Variants in CPA6 observed in about 807,000 individuals in gnomAD.
CPA6 encodes carboxypeptidase A6, also known as carboxypeptidase B.
CPA6 carries 58 observed loss-of-function variants against 63.3 expected under a neutral mutation model. The ratio of observed to expected loss-of-function variants is 0.92; its 90% CI spans 0.74 to 1.14. The LOEUF (loss-of-function observed/expected upper bound fraction) is 1.14, where lower values mean the gene tolerates loss of function less well. Among genes scored for constraint, CPA6 ranks in the 50% most tolerant of loss-of-function variants. The pLI is 0.00. For missense variants in CPA6, 565 were observed against 526.6 expected, an observed-to-expected ratio of 1.07 and a Z score of -0.71; for synonymous variants, 185 against 179.0, an observed-to-expected ratio of 1.03 and a Z score of -0.27.
At position 67,434,161 on chromosome 8, in the gene CPA6, T is replaced by C; in HGVS notation, c.918A>G (p.Val306=). ...TTCTGTGTTTTCGAAGGAAGTTAGC[T>C]ACAGCCTTCACTTCCGGCTCAGATT... is the stretch of plus-strand genomic sequence containing the variant. ...FPESEPEVKA[V]ANFLRKHRKH... is the part of the protein sequence containing the mutation. Residue 306 remains valine, a synonymous_variant, in exon 9 of 11, where the codon GTA becomes GTG. Transcript: ENST00000297770. 6.2e-7 allele frequency: 1 copy of C among 1,614,104 alleles called. No individual in the cohort carries two copies. The highest frequency in any genetic ancestry group is 8.5e-7 in the Non-Finnish European group (1 of 1,179,982).
chr8:67,507,519 G>T (rs1369822978), intron 5 of CPA6, among the ~76,000 whole-genome samples: 1 of 151,944 alleles, frequency 6.6e-6, no homozygotes, highest in Non-Finnish European at 1.5e-5. Flanking sequence ...ATCAATAGGA[G>T]ATCCTGACAT....
At chr8:67,719,697 G>A (rs185129882) in intron 1 of CPA6, among the ~76,000 whole-genome samples, 4 of 152,226 alleles carry the variant, frequency 2.6e-5, no homozygotes, top group Admixed American at 1.3e-4. Context: ...AAATAATGAC[G>A]GCAGCATGAG....
chr8:67,543,787 T>TATTATTA lies in CPA6; in HGVS notation c.193-25747_193-25741dup, dbSNP rs1479885911. Among the ~76,000 whole-genome samples, 4 of 150,944 alleles carry TATTATTA rather than the reference T, an allele frequency of 2.6e-5. No individual in the cohort carries two copies. The East Asian group carries it at 7.7e-4, about 29-fold the overall frequency. On this transcript the variant is annotated intron_variant, in intron 2 of 10. Transcript: ENST00000297770. The stretch of plus-strand genomic sequence containing the variant: ...TTTCCCCCTCCACTATTATTATTAT[T>TATTATTA]ATTATTATTTTTAAGAGACAGGGTC...
intron 1 of CPA6, among the ~76,000 whole-genome samples, chr8:67,720,512 C>T (rs868734882): frequency 3.9e-5 from 6 of 151,994 alleles, no homozygotes; most frequent in East Asian, 3.9e-4. Context: ...GAGAACTCAG[C>T]GCTCACAGAC....
At chr8:67,551,057 T>A (rs1812926639) in intron 2 of CPA6, among the ~76,000 whole-genome samples, 2 of 152,150 alleles carry the variant, frequency 1.3e-5, no homozygotes, top group Non-Finnish European at 2.9e-5. Context: ...TGTCAATTTT[T>A]ATTTTTGTTG....
At chr8:67,679,747 T>C (rs1322858348) in intron 1 of CPA6, among the ~76,000 whole-genome samples, 1 of 152,248 alleles carries the variant, frequency 6.6e-6, no homozygotes. Flanking sequence ...TGAGTTCTTT[T>C]AGTTTGTTCT....
At chr8:67,730,733 A>C (rs1345285368) in intron 1 of CPA6, among the ~76,000 whole-genome samples, 2 of 152,064 alleles carry the variant, frequency 1.3e-5, no homozygotes, top group Non-Finnish European at 2.9e-5. Flanking sequence ...TGGGATGAAG[A>C]CCAAATATAT....
chr8:67,465,739 T>G (rs1810911248), intron 8 of CPA6, among the ~76,000 whole-genome samples: 1 of 152,234 alleles, frequency 6.6e-6, no homozygotes, highest in African/African-American at 2.4e-5. Context: ...TAATTCTGTT[T>G]ATGTGGTGAA....
At chr8:67,569,700 CATT>C (rs1375944160) in intron 2 of CPA6, 1 of 208,950 alleles carries the variant, frequency 4.8e-6, no homozygotes, top group African/African-American at 2.4e-5. Flanking sequence ...TTACTAGAGA[CATT>C]ATTTGGAAAT....
chr8:67,697,546 C>T (rs1215804894), intron 1 of CPA6, among the ~76,000 whole-genome samples: 1 of 152,108 alleles, frequency 6.6e-6, no homozygotes, highest in Non-Finnish European at 1.5e-5. Context: ...AGGACCTGTG[C>T]CTTAGGAAAT....
In CPA6 at chr8:67,511,674, A is replaced by G. The variant is rs754708382; in HGVS notation, c.318-19T>C. ...GAGGACCCTGAATTTGGAATGACAG[A>G]CATGATGAAAAGTAAATTGAGATAT... On this transcript the variant is annotated intron_variant, in intron 3 of 10. Coordinates refer to ENST00000297770, the MANE Select transcript of CPA6 (RefSeq NM_020361.5). The G allele has an allele frequency of 5.4e-5, 76 of 1,418,746 alleles. 1 individual carries two copies. In the East Asian group the frequency reaches 1.7e-3, roughly 31 times the overall value. The allele number at this position is 1,418,746 out of a possible 1,614,324, so 87.9% of individuals were successfully genotyped here. A position where few individuals can be genotyped will look rare whatever the true frequency, so the allele number is the denominator to read the frequency against.
intron 9 of CPA6, 77 bp downstream of exon 9, chr8:67,433,961 C>T: frequency 2.1e-6 from 2 of 938,418 alleles, no homozygotes; most frequent in Non-Finnish European, 3.5e-6. Flanking sequence ...TTGCCATTAT[C>T]ATTAGTACTT....
chr8:67,596,522 A>C (rs1814339940), intron 2 of CPA6, among the ~76,000 whole-genome samples: 1 of 150,352 alleles, frequency 6.7e-6, no homozygotes, highest in Admixed American at 6.6e-5. Context: ...TTTGGGTATG[A>C]ATTTATTTCT....
intron 1 of CPA6, among the ~76,000 whole-genome samples, chr8:67,657,931 G>A (rs1265700849): frequency 8.5e-5 from 13 of 152,132 alleles, no homozygotes; most frequent in East Asian, 1.9e-4. Context: ...CTGAGTTCCC[G>A]CCTCCTGCCA....
chr8:67,700,544 A>G (rs1391324553), intron 1 of CPA6, among the ~76,000 whole-genome samples: 2 of 152,184 alleles, frequency 1.3e-5, no homozygotes, highest in Non-Finnish European at 2.9e-5. Context: ...TTTGAGCTAG[A>G]ATCCAGGTTT....
intron 2 of CPA6, among the ~76,000 whole-genome samples, chr8:67,527,693 T>C (rs1475652633): frequency 6.6e-6 from 1 of 152,200 alleles, no homozygotes; most frequent in South Asian, 2.1e-4. Flanking sequence ...CTCAATAATA[T>C]AGCCCAAGTA....
chr8:67,542,137 T>C (rs539315696), intron 2 of CPA6, among the ~76,000 whole-genome samples: 3 of 152,338 alleles, frequency 2.0e-5, no homozygotes, highest in South Asian at 4.1e-4. Context: ...TAACCTGATG[T>C]CAAGGGCCCT....
At chr8:67,644,230 T>A (rs979802522) in intron 1 of CPA6, among the ~76,000 whole-genome samples, 1 of 152,074 alleles carries the variant, frequency 6.6e-6, no homozygotes, top group Non-Finnish European at 1.5e-5. Context: ...GCCATTCTCC[T>A]GCCTCAGCCT....
intron 1 of CPA6, among the ~76,000 whole-genome samples, chr8:67,638,228 A>C (rs1032469250): frequency 6.0e-5 from 9 of 151,182 alleles, no homozygotes; most frequent in African/African-American, 2.2e-4. Flanking sequence ...TTAAAGATAA[A>C]ACCTTAGTGA....
Sources: gnomAD v4.1 joint callset for allele counts (sites outside exome capture counted in the v4.1 genomes callset) on GRCh38, gnomAD v4.1.1 for gene constraint, MANE v1.5 for transcripts, NCBI Gene and HGNC (gene_info 2026-07-23, HGNC 2026-07-21) for gene names.